PARD3B: variants seen among roughly 807,000 people sequenced by gnomAD.
PARD3B encodes the protein partitioning defective 3 homolog B.
PARD3B carries 103 observed loss-of-function variants against 130.2 expected under a neutral mutation model. The ratio of observed to expected loss-of-function variants is 0.79; its 90% CI spans 0.67 to 0.93. The LOEUF (loss-of-function observed/expected upper bound fraction) is 0.93. PARD3B is among the 40% of genes least tolerant of loss of function. The pLI, the probability that PARD3B is intolerant of heterozygous loss-of-function variation, is 0.00. For synonymous variants in PARD3B, 583 were observed against 553.2 expected (o/e 1.05, Z -0.76); for missense variants, 1,609 against 1,499.2 (o/e 1.07, Z -1.21).
At chr2:205,289,391 T>A (rs182540732) in intron 16 of PARD3B, among the ~76,000 whole-genome samples, 2 of 152,262 alleles carry the variant, frequency 1.3e-5, no homozygotes, top group Admixed American at 1.3e-4. Context: ...AGCGGTGACA[T>A]GTACTGAATA....
chr2:204,699,460 C>T (rs1229918931), intron 2 of PARD3B, among the ~76,000 whole-genome samples: 1 of 152,058 alleles, frequency 6.6e-6, no homozygotes, highest in African/African-American at 2.4e-5. Context: ...ACATGCCACT[C>T]TTCCCTAACA....
chr2:205,479,573 G>GA (rs2049150544), intron 20 of PARD3B, among the ~76,000 whole-genome samples: 1 of 152,148 alleles, frequency 6.6e-6, no homozygotes, highest in South Asian at 2.1e-4. Flanking sequence ...CTGTGCTTAG[G>GA]AAAAAATGCA....
At chr2:205,374,122 C>G (rs2044934248) in intron 18 of PARD3B, among the ~76,000 whole-genome samples, 1 of 149,512 alleles carries the variant, frequency 6.7e-6, no homozygotes, top group African/African-American at 2.5e-5. Context: ...AGGGAAATGT[C>G]TAAGCTTTTC....
intron 16 of PARD3B, among the ~76,000 whole-genome samples, chr2:205,272,364 T>A (rs1305581095): frequency 6.6e-6 from 1 of 152,178 alleles, no homozygotes; most frequent in African/African-American, 2.4e-5. Context: ...ACAATTATAT[T>A]TGTATCTGAT....
At chr2:204,981,555 C>T (rs1692669444) in intron 3 of PARD3B, among the ~76,000 whole-genome samples, 1 of 152,192 alleles carries the variant, frequency 6.6e-6, no homozygotes, top group African/African-American at 2.4e-5. Flanking sequence ...ATCTAAAATT[C>T]ATGCATTAAG....
chr2:205,350,021 G>A (rs963185986), intron 18 of PARD3B, among the ~76,000 whole-genome samples: 2 of 152,090 alleles, frequency 1.3e-5, no homozygotes, highest in African/African-American at 2.4e-5. Flanking sequence ...GGTTTGTGGG[G>A]TTCATCTGGC....
chr2:205,047,683 T>TAGTAGG lies in PARD3B; in HGVS notation c.497_498insAGTAGG (p.Val167_Pro168insGlyVal). On this transcript the variant is annotated inframe_insertion, in exon 4 of 23. Coordinates refer to ENST00000406610, the MANE Select transcript of PARD3B (RefSeq NM_001302769.2). ...CCTGGTGGCCAGAGTCTGAAACTGG[T>TAGTAGG]TGTTCCAGTAGGTATCCTGCTGCTT... The TAGTAGG allele has an allele frequency of 6.5e-7, 1 of 1,539,852 alleles. No individual in the cohort carries two copies. Among genetic ancestry groups the TAGTAGG allele is most frequent in the South Asian group, 1.2e-5 (1 of 83,744 alleles).
rs138510022 is a variant in PARD3B, at chr2:204,681,968, A to G, written c.121-4213A>G. ...AACCCTTAAGTCTATGATTATGAAG[A>G]TTATATTTTGAAGGTTTCCCCACTT... On this transcript the variant is annotated intron_variant, in intron 1 of 22. Coordinates refer to ENST00000406610, the MANE Select transcript of PARD3B (RefSeq NM_001302769.2). 9.3e-3 allele frequency among the ~76,000 whole-genome samples: 1,415 copies of G among 152,216 alleles called. 34 individuals carry two copies. Among genetic ancestry groups the G allele is most frequent in the East Asian group, 0.043 (225 of 5,180 alleles).
rs150702836 is a variant in PARD3B, at chr2:204,588,454, C to G, written c.120+42335C>G. ...ACCATCATTTAATGCTGGATTTTTACCTTGCTTCCTACAGAAACTATTCCC... is the reference window on the plus strand; with the variant it reads ...ACCATCATTTAATGCTGGATTTTTAGCTTGCTTCCTACAGAAACTATTCCC... On this transcript the variant is annotated intron_variant, in intron 1 of 22. Transcript: ENST00000406610. 2.2e-4 allele frequency among the ~76,000 whole-genome samples: 33 copies of G among 152,262 alleles called. No homozygotes were observed. The East Asian group carries it at 4.8e-3, about 22-fold the overall frequency.
At chr2:204,836,742 G>A (rs746225396) in intron 2 of PARD3B, among the ~76,000 whole-genome samples, 13 of 152,126 alleles carry the variant, frequency 8.5e-5, no homozygotes, top group Non-Finnish European at 1.5e-4. Flanking sequence ...GGATAAGTGA[G>A]TATGTATGTG....
intron 1 of PARD3B, among the ~76,000 whole-genome samples, chr2:204,553,691 T>C (rs55864962): frequency 8.0e-5 from 9 of 113,036 alleles, no homozygotes; most frequent in African/African-American, 4.2e-4. Context: ...TATATATATA[T>C]ATATACACAC....
intron 18 of PARD3B, among the ~76,000 whole-genome samples, chr2:205,399,218 C>A (rs182477841): frequency 1.3e-5 from 2 of 151,794 alleles, no homozygotes; most frequent in Non-Finnish European, 1.5e-5. Flanking sequence ...TGCAGTGAGC[C>A]GAGATCATGC....
At chr2:204,717,932 A>G (rs1440808285) in intron 2 of PARD3B, among the ~76,000 whole-genome samples, 1 of 152,174 alleles carries the variant, frequency 6.6e-6, no homozygotes, top group Non-Finnish European at 1.5e-5. Context: ...ATTTGTGATG[A>G]CAGTTCTGCT....
At chr2:204,593,979 C>T (rs953825364) in intron 1 of PARD3B, among the ~76,000 whole-genome samples, 6 of 152,154 alleles carry the variant, frequency 3.9e-5, no homozygotes, top group East Asian at 1.9e-4. Context: ...CTCTGTCTTA[C>T]GTACCAATAT....
At chr2:204,780,846 T>G (rs553336482) in intron 2 of PARD3B, among the ~76,000 whole-genome samples, 5 of 152,140 alleles carry the variant, frequency 3.3e-5, no homozygotes, top group Non-Finnish European at 5.9e-5. Flanking sequence ...CTTTTCCTTT[T>G]TTCAATTCTG....
chr2:205,026,489 A>G (rs1271808571), intron 3 of PARD3B, among the ~76,000 whole-genome samples: 1 of 152,216 alleles, frequency 6.6e-6, no homozygotes, highest in Non-Finnish European at 1.5e-5. Flanking sequence ...AATCAAATCA[A>G]CACATTCATC....
At chr2:205,148,734 TA>T (rs111894211) in intron 10 of PARD3B, among the ~76,000 whole-genome samples, 69 of 147,884 alleles carry the variant, frequency 4.7e-4, no homozygotes, top group Admixed American at 4.7e-4. Flanking sequence ...ATTCTTTTTT[TA>T]AAAAAAAAAA....
intron 2 of PARD3B, among the ~76,000 whole-genome samples, chr2:204,889,086 C>T (rs1440525653): frequency 6.6e-6 from 1 of 152,160 alleles, no homozygotes; most frequent in Non-Finnish European, 1.5e-5. Flanking sequence ...GTTGTTCTCT[C>T]ATTGTGGGGA....
At chr2:204,733,901 G>A (rs1053043522) in intron 2 of PARD3B, among the ~76,000 whole-genome samples, 4 of 152,094 alleles carry the variant, frequency 2.6e-5, no homozygotes, top group Non-Finnish European at 5.9e-5. Context: ...AAGAATTGGA[G>A]AATTTTTTTG....
Sources: gnomAD v4.1 joint callset for allele counts (sites outside exome capture counted in the v4.1 genomes callset) on GRCh38, gnomAD v4.1.1 for gene constraint, MANE v1.5 for transcripts, NCBI Gene and HGNC (gene_info 2026-07-23, HGNC 2026-07-21) for gene names.